Variants in TDRD12 observed in about 807,000 individuals in gnomAD.
The protein encoded by TDRD12 is tudor domain containing 12, also known as putative ATP-dependent RNA helicase TDRD12.
A neutral mutation model predicts 133.5 loss-of-function variants in TDRD12; 158 were observed. The observed-to-expected ratio is 1.18, with a 90% CI of 1.04 to 1.35. The LOEUF is 1.35. Ranked by LOEUF, TDRD12 falls within the 40% of genes most tolerant of loss-of-function variation. TDRD12 has a pLI of 0.00. For synonymous variants in TDRD12, 460 were observed against 477.9 expected, an observed-to-expected ratio of 0.96 and a Z score of 0.49; for missense variants, 1,443 against 1,321.3, an observed-to-expected ratio of 1.09 and a Z score of -1.43.
rs951000068 is a variant in TDRD12 at position 32,790,620 on chromosome 19, A to G, written c.1182+29A>G. ...TTACAGGCCCTAAAAAAAGTAAAAT[A>G]AAAAGAGAGAAAAAACTGTTTATTC... On this transcript the variant is annotated intron_variant, in intron 12 of 27. Transcript: ENST00000444215. The G allele has an allele frequency of 1.0e-5, 16 of 1,551,542 alleles. No homozygotes were observed. In the African/African-American group the frequency reaches 1.2e-4, roughly 12 times the overall value.
At chr19:32,813,456 C>G (rs1967073835) in intron 24 of TDRD12, among the ~76,000 whole-genome samples, 1 of 152,168 alleles carries the variant, frequency 6.6e-6, no homozygotes, top group Non-Finnish European at 1.5e-5. Context: ...GCCTTGAGCT[C>G]TGGGAACTCA....
chr19:32,796,485 T>A (rs1023646090), intron 14 of TDRD12, among the ~76,000 whole-genome samples: 58 of 151,774 alleles, frequency 3.8e-4, no homozygotes, highest in Middle Eastern at 3.4e-3. Context: ...CTCGAGAGGC[T>A]GAGGCAGGAG....
rs1700542177 is a variant in TDRD12, at chr19:32,803,284, C to T, written c.2552+142C>T. 1.1e-5 allele frequency: 7 copies of T among 610,404 alleles called. 1 individual carries two copies. In the South Asian group the frequency reaches 1.6e-4, roughly 14 times the overall value. 37.8% of individuals were successfully genotyped at this position (610,404 alleles called of 1,614,324 possible). On this transcript the variant is annotated intron_variant, in intron 21 of 27. Coordinates refer to ENST00000444215, the Ensembl canonical transcript of TDRD12. ...AGTCTGGGGGTTCCCTCGCACTCTT[C>T]CCCACGTGCCCTCCCCTCTGCAGGG...
intron 19 of TDRD12, 73 bp from the exon 20 acceptor site, chr19:32,802,583 C>T: frequency 4.7e-6 from 7 of 1,482,972 alleles, no homozygotes; most frequent in Non-Finnish European, 6.3e-6. Flanking sequence ...TGCAGTGTGG[C>T]CGTGGGAACT....
chr19:32,811,349 C>T, exon 24 of TDRD12: 1 of 1,536,140 alleles, frequency 6.5e-7, no homozygotes. Flanking sequence ...CCACACACTT[C>T]CCCCGCAGGC....
At chr19:32,753,187 A>C (rs550363346) in intron 6 of TDRD12, among the ~76,000 whole-genome samples, 3 of 152,248 alleles carry the variant, frequency 2.0e-5, no homozygotes, top group Admixed American at 2.0e-4. Flanking sequence ...GCTTGTTCCA[A>C]CTGGGGTGTC....
At chr19:32,746,708 G>C (rs1250153637) in intron 4 of TDRD12, among the ~76,000 whole-genome samples, 12 of 148,146 alleles carry the variant, frequency 8.1e-5, no homozygotes, top group East Asian at 2.0e-4. Context: ...GTGACAGAGA[G>C]GGGGAGAGAG....
chr19:32,720,015 C>A, exon 1 of TDRD12: 1 of 1,541,580 alleles, frequency 6.5e-7, no homozygotes, highest in Non-Finnish European at 8.7e-7. Context: ...CAGCCTCACC[C>A]GCGACGGTAG....
At chr19:32,790,550 C>G in exon 12 of TDRD12, 1 of 1,551,872 alleles carries the variant, frequency 6.4e-7, no homozygotes, top group Non-Finnish European at 8.7e-7. Context: ...GTTTTTAAAT[C>G]CTGATCCTTT....
At chr19:32,821,236 G>A (rs1348385303) in exon 28 of TDRD12, 22 of 1,036,744 alleles carry the variant, frequency 2.1e-5, no homozygotes, top group Non-Finnish European at 2.9e-5. Flanking sequence ...GAAATGTAGA[G>A]AAGATGACAT....
chr19:32,754,817 A>G (rs1476010457), intron 6 of TDRD12, among the ~76,000 whole-genome samples: 1 of 151,872 alleles, frequency 6.6e-6, no homozygotes, highest in African/African-American at 2.4e-5. Context: ...AGCTGGGATT[A>G]TAGGCATGCG....
At position 32,800,373 on chromosome 19, in the gene TDRD12, A is replaced by G. The variant is rs1375506709; in HGVS notation, c.1950+15A>G. 2.7e-5 allele frequency: 39 copies of G among 1,461,536 alleles called. No homozygotes were observed. The Admixed American group carries it at 9.1e-4, about 34-fold the overall frequency. The allele number at this position is 1,461,536 out of a possible 1,614,324, so 90.5% of individuals were successfully genotyped here. On this transcript the variant is annotated intron_variant, in intron 17 of 27. Coordinates refer to ENST00000444215, the Ensembl canonical transcript of TDRD12. ...ATGTCCAACAGGTAACTTTGTGTGT[A>G]TGTGTATGTGTATGTGTGTGTGTGT...
Position 32,773,506 on chromosome 19 carries a change from T to A in TDRD12, c.1014T>A (p.Tyr338Ter). ...CAGCAAAAAGAGGCATAACCATATA[T>A]GCTGATCCAGATGTACCAGAAGCAA... The change falls in exon 10 of 28, where the codon TAT (tyrosine) becomes TAA (stop). Residue 338 changes from tyrosine (Y) to a stop codon, truncating the protein, a stop_gained. Coordinates refer to ENST00000444215, the Ensembl canonical transcript of TDRD12. LOFTEE classifies it high-confidence loss of function. 1 of 1,551,838 alleles carries A rather than the reference T, an allele frequency of 6.4e-7. No homozygotes were observed. The highest frequency in any genetic ancestry group is 8.7e-7 in the Non-Finnish European group (1 of 1,146,990).
At chr19:32,802,051 A>T (rs915561399) in intron 19 of TDRD12, among the ~76,000 whole-genome samples, 178 bp downstream of exon 19, 1 of 150,840 alleles carries the variant, frequency 6.6e-6, no homozygotes, top group Non-Finnish European at 1.5e-5. Flanking sequence ...TTTGATGTTG[A>T]GGTAAATCTC....
At chr19:32,809,020 T>G (rs1966908603) in intron 22 of TDRD12, among the ~76,000 whole-genome samples, 1 of 152,224 alleles carries the variant, frequency 6.6e-6, no homozygotes, top group South Asian at 2.1e-4. Context: ...TTGCTATTGC[T>G]CATTTTTAGA....
chr19:32,756,138 C>A, exon 7 of TDRD12: 1 of 1,444,360 alleles, frequency 6.9e-7, no homozygotes, highest in Non-Finnish European at 9.1e-7. Flanking sequence ...CACTTACACT[C>A]TGGCCAATGT....
chr19:32,763,737 G>T (rs187528276), intron 8 of TDRD12, among the ~76,000 whole-genome samples: 1 of 152,300 alleles, frequency 6.6e-6, no homozygotes, highest in African/African-American at 2.4e-5. Context: ...TTTAACTAAC[G>T]GAGGTGTCCG....
At chr19:32,804,787 C>T (rs987900896) in intron 21 of TDRD12, among the ~76,000 whole-genome samples, 8 of 151,634 alleles carry the variant, frequency 5.3e-5, no homozygotes, top group Middle Eastern at 3.4e-3. Context: ...ACCTGGGAAG[C>T]GGAGGTTGCA....
At chr19:32,773,918 CTT>C (rs1366653025) in intron 10 of TDRD12, among the ~76,000 whole-genome samples, 1 of 152,204 alleles carries the variant, frequency 6.6e-6, no homozygotes, top group African/African-American at 2.4e-5. Context: ...TCTGTCTCCT[CTT>C]TGCCTTTTTG....
Sources: allele counts gnomAD v4.1 joint callset (sites outside exome capture counted in the v4.1 genomes callset), GRCh38; gene constraint gnomAD v4.1.1; transcripts MANE v1.5; gene names NCBI Gene and HGNC (gene_info 2026-07-23, HGNC 2026-07-21).